The following TDP1 variants were observed in gnomAD, a reference collection of about 807,000 sequenced individuals.
The protein encoded by TDP1 is tyr-DNA phosphodiesterase 1.
TDP1 carries 64 observed loss-of-function variants against 81.5 expected under a neutral mutation model. The ratio of observed to expected loss-of-function variants is 0.79; its 90% CI spans 0.64 to 0.97. TDP1 has a LOEUF of 0.97. Among genes scored for constraint, TDP1 ranks in the 50% least tolerant of loss-of-function variants. TDP1 has a pLI of 0.00. For missense variants in TDP1, 723 were observed against 743.8 expected, an observed-to-expected ratio of 0.97 and a Z score of 0.33; for synonymous variants, 256 against 264.3, an observed-to-expected ratio of 0.97 and a Z score of 0.30.
intron 14 of TDP1, among the ~76,000 whole-genome samples, chr14:89,997,865 A>G (rs1308728386): frequency 6.6e-6 from 1 of 152,136 alleles, no homozygotes; most frequent in Non-Finnish European, 1.5e-5. Flanking sequence ...CCAGCACATA[A>G]CTACTGAGCA....
intron 16 of TDP1, among the ~76,000 whole-genome samples, chr14:90,040,557 C>A (rs923584164): frequency 4.6e-5 from 7 of 152,360 alleles, no homozygotes; most frequent in African/African-American, 1.4e-4. Flanking sequence ...GGACTAGAAG[C>A]CCTGCGAGGT....
intron 10 of TDP1, among the ~76,000 whole-genome samples, chr14:89,988,109 G>A (rs151182472): frequency 1.2e-4 from 18 of 152,306 alleles, no homozygotes; most frequent in African/African-American, 4.3e-4. Flanking sequence ...AAAGGATACA[G>A]ATGAAGAGAT....
rs34131917 is a variant in TDP1 at position 90,007,446 on chromosome 14, G to A, written c.1542-11870G>A. 3.6e-4 allele frequency among the ~76,000 whole-genome samples: 55 copies of A among 152,110 alleles called. No individual in the cohort carries two copies. In the East Asian group the frequency reaches 0.01, roughly 28 times the overall value. ...TCTACTAAAAATATAAAAATTAGCTGGGCATGGTAGCTCACACCTGTAATC... is the reference window on the plus strand; with the variant it reads ...TCTACTAAAAATATAAAAATTAGCTAGGCATGGTAGCTCACACCTGTAATC... On this transcript the variant is annotated intron_variant, in intron 14 of 16. Transcript: ENST00000335725.
chr14:90,010,237 C>T (rs909384171), intron 14 of TDP1, among the ~76,000 whole-genome samples: 6 of 152,154 alleles, frequency 3.9e-5, no homozygotes, highest in African/African-American at 1.4e-4. Context: ...AAAACTGCAC[C>T]TTGGATAACT....
chr14:90,016,054 T>C (rs1885274434), intron 14 of TDP1, among the ~76,000 whole-genome samples: 1 of 151,764 alleles, frequency 6.6e-6, no homozygotes, highest in African/African-American at 2.4e-5. Flanking sequence ...TTCTTTTTTT[T>C]TTTTGAGATG....
intron 14 of TDP1, among the ~76,000 whole-genome samples, chr14:90,010,447 C>T (rs1005987509): frequency 2.6e-5 from 4 of 152,204 alleles, no homozygotes; most frequent in African/African-American, 7.2e-5. Flanking sequence ...GTTAAATTAT[C>T]TGGCAAAGGG....
chr14:89,995,032 T>A (rs992142097), intron 14 of TDP1, among the ~76,000 whole-genome samples: 5 of 152,254 alleles, frequency 3.3e-5, no homozygotes, highest in African/African-American at 1.2e-4. Context: ...ACTGTGAATA[T>A]CTGCTTTAAT....
intron 14 of TDP1, among the ~76,000 whole-genome samples, chr14:90,009,301 G>A (rs939875367): frequency 2.0e-5 from 3 of 152,218 alleles, no homozygotes; most frequent in Admixed American, 2.0e-4. Flanking sequence ...CAGATACCTA[G>A]CATTCCAATA....
intron 14 of TDP1, among the ~76,000 whole-genome samples, chr14:90,008,313 C>G (rs889255992): frequency 6.6e-6 from 1 of 152,144 alleles, no homozygotes; most frequent in South Asian, 2.1e-4. Context: ...TTAGATCTTT[C>G]TTCTGTTTCA....
chr14:89,981,791 TC>T (rs1037707830), intron 8 of TDP1, among the ~76,000 whole-genome samples: 15 of 152,054 alleles, frequency 9.9e-5, no homozygotes, highest in African/African-American at 3.6e-4. Context: ...GCTCAGGTGA[TC>T]CTCCCACCTC....
At chr14:89,976,448 C>CT (rs1217509723) in intron 7 of TDP1, among the ~76,000 whole-genome samples, 1 of 151,282 alleles carries the variant, frequency 6.6e-6, no homozygotes, top group Admixed American at 6.6e-5. Context: ...TAAAATTTAC[C>CT]TTATTATTTC....
rs969838660 is a variant in TDP1 at position 90,039,586 on chromosome 14, C to T, written c.1754-3484C>T. 1.7e-4 allele frequency among the ~76,000 whole-genome samples: 26 copies of T among 151,994 alleles called. 1 individual carries two copies. Among genetic ancestry groups the T allele is most frequent in the African/African-American group, 6.0e-4 (25 of 41,436 alleles). ...GAGAGCAGAGTCATAAGTCCTTAAC[C>T]CGTGGCCATTTCTTAGGGGGTTGGA... On this transcript the variant is annotated intron_variant, in intron 16 of 16. Coordinates refer to ENST00000335725, the MANE Select transcript of TDP1 (RefSeq NM_018319.4).
chr14:90,034,063 A>G (rs994348361), intron 16 of TDP1, among the ~76,000 whole-genome samples: 15 of 151,804 alleles, frequency 9.9e-5, no homozygotes, highest in Non-Finnish European at 2.1e-4. Flanking sequence ...CAAGACCCCA[A>G]CTCTAAGGAA....
At chr14:90,028,038 A>G (rs1886860915) in intron 15 of TDP1, among the ~76,000 whole-genome samples, 1 of 152,158 alleles carries the variant, frequency 6.6e-6, no homozygotes, top group African/African-American at 2.4e-5. Flanking sequence ...TCTGAACTGC[A>G]TTCCCCCAGC....
At chr14:89,992,308 C>A (rs903424287) in intron 13 of TDP1, among the ~76,000 whole-genome samples, 2 of 152,152 alleles carry the variant, frequency 1.3e-5, no homozygotes, top group South Asian at 4.1e-4. Flanking sequence ...TATAAAGTAT[C>A]ATTATTCTGT....
At chr14:90,014,978 A>C (rs1885146793) in intron 14 of TDP1, among the ~76,000 whole-genome samples, 1 of 152,106 alleles carries the variant, frequency 6.6e-6, no homozygotes, top group Non-Finnish European at 1.5e-5. Context: ...CCAGTGGTAA[A>C]CCTCCAGTGA....
At chr14:90,015,266 T>C (rs1271117758) in intron 14 of TDP1, among the ~76,000 whole-genome samples, 1 of 152,236 alleles carries the variant, frequency 6.6e-6, no homozygotes, top group Non-Finnish European at 1.5e-5. Flanking sequence ...GCCTTCTCCA[T>C]GTGCCTAACA....
chr14:90,029,341 A>G (rs1406201066), intron 15 of TDP1, among the ~76,000 whole-genome samples: 1 of 149,602 alleles, frequency 6.7e-6, no homozygotes, highest in Non-Finnish European at 1.5e-5. Context: ...GGGATTACAG[A>G]TGCGCACTAC....
intron 15 of TDP1, among the ~76,000 whole-genome samples, chr14:90,025,012 G>T (rs920525419): frequency 6.6e-6 from 1 of 152,082 alleles, no homozygotes. Flanking sequence ...CTCTGTGTCC[G>T]CACCACCCAC....
Sources: gnomAD v4.1 joint callset for allele counts (sites outside exome capture counted in the v4.1 genomes callset) on GRCh38, gnomAD v4.1.1 for gene constraint, MANE v1.5 for transcripts, NCBI Gene and HGNC (gene_info 2026-07-23, HGNC 2026-07-21) for gene names.